Variants in NXPH2 observed in about 807,000 individuals in gnomAD.
NXPH2 encodes the protein neurexophilin 2, also known as neurexophilin-2.
NXPH2 carries 5 observed loss-of-function variants against 19.8 expected under a neutral mutation model. That is an observed-to-expected ratio of 0.25 (90% CI 0.13 to 0.53). NXPH2 has a LOEUF of 0.53. NXPH2 is among the 20% of genes least tolerant of loss of function. NXPH2 has a pLI of 0.96. For synonymous variants in NXPH2, 154 were observed against 127.4 expected (o/e 1.21, Z -1.41); for missense variants, 289 against 322.8 (o/e 0.90, Z 0.80).
intron 1 of NXPH2, among the ~76,000 whole-genome samples, chr2:138,728,885 C>A (rs551100728): frequency 6.6e-6 from 1 of 152,322 alleles, no homozygotes; most frequent in African/African-American, 2.4e-5. Flanking sequence ...GGGAATCATG[C>A]AAACACAGTC....
intron 1 of NXPH2, among the ~76,000 whole-genome samples, chr2:138,747,957 C>T (rs1681767429): frequency 6.6e-6 from 1 of 152,202 alleles, no homozygotes; most frequent in Non-Finnish European, 1.5e-5. Flanking sequence ...TGTCTTTGCT[C>T]TGATCACTAC....
intron 1 of NXPH2, among the ~76,000 whole-genome samples, chr2:138,681,772 A>T (rs1248520857): frequency 6.6e-6 from 1 of 152,164 alleles, no homozygotes; most frequent in African/African-American, 2.4e-5. Context: ...TGGATACCCT[A>T]TAAGTATTTA....
At chr2:138,770,709 T>C (rs1008587170) in intron 1 of NXPH2, among the ~76,000 whole-genome samples, 2 of 151,862 alleles carry the variant, frequency 1.3e-5, no homozygotes, top group South Asian at 4.1e-4. Context: ...ATGTCAGCCA[T>C]AAAAAAGATA....
chr2:138,732,373 G>C (rs1438933754), intron 1 of NXPH2, among the ~76,000 whole-genome samples: 1 of 152,190 alleles, frequency 6.6e-6, no homozygotes, highest in African/African-American at 2.4e-5. Context: ...AGATGCATCT[G>C]GGTCTTTTAA....
At chr2:138,694,781 C>T (rs1680804718) in intron 1 of NXPH2, among the ~76,000 whole-genome samples, 1 of 152,148 alleles carries the variant, frequency 6.6e-6, no homozygotes, top group African/African-American at 2.4e-5. Flanking sequence ...CAATAAGTTA[C>T]ACAAGCTATT....
intron 1 of NXPH2, among the ~76,000 whole-genome samples, chr2:138,760,457 T>C (rs1681992563): frequency 6.6e-6 from 1 of 152,184 alleles, no homozygotes; most frequent in Admixed American, 6.5e-5. Context: ...GAGAAAACCA[T>C]ACCTCATCCA....
chr2:138,697,941 G>C (rs1680852875), intron 1 of NXPH2, among the ~76,000 whole-genome samples: 1 of 151,960 alleles, frequency 6.6e-6, no homozygotes, highest in Admixed American at 6.6e-5. Flanking sequence ...CTGCTTGAAA[G>C]CCTATTTCAC....
intron 1 of NXPH2, among the ~76,000 whole-genome samples, chr2:138,761,102 A>G (rs1331863698): frequency 1.3e-5 from 2 of 152,164 alleles, no homozygotes. Flanking sequence ...CCTGAAGCTC[A>G]GCAAGCCATA....
At chr2:138,736,470 T>A (rs1681541040) in intron 1 of NXPH2, among the ~76,000 whole-genome samples, 1 of 152,190 alleles carries the variant, frequency 6.6e-6, no homozygotes, top group Admixed American at 6.5e-5. Flanking sequence ...GCTGCAGCAG[T>A]TAGAATGCAG....
At position 138,671,467 on chromosome 2, in the gene NXPH2, G is replaced by C. The variant is rs749126115; in HGVS notation, c.250C>G (p.Leu84Val). 4.3e-6 allele frequency: 7 copies of C among 1,613,892 alleles called. No homozygotes were observed. The highest frequency in any genetic ancestry group is 5.9e-6 in the Non-Finnish European group (7 of 1,179,796). Reference protein sequence around the residue: ...ADSMENFWDWLANITEIQEPL... With the variant: ...ADSMENFWDWVANITEIQEPL... ...TCCTGAATCTCCGTGATGTTGGCCA[G>C]CCAATCCCAAAAGTTTTCCATGCTG... The change falls in exon 2 of 2, where the codon CTG (leucine) becomes GTG (valine). Residue 84 changes from leucine (L) to valine (V), a missense_variant. Transcript: ENST00000272641.
At chr2:138,744,541 G>T (rs1681695137) in intron 1 of NXPH2, among the ~76,000 whole-genome samples, 1 of 152,064 alleles carries the variant, frequency 6.6e-6, no homozygotes, top group Non-Finnish European at 1.5e-5. Flanking sequence ...ACACTGGGTA[G>T]GTGTCTATCT....
At chr2:138,730,979 T>C (rs1190118036) in intron 1 of NXPH2, among the ~76,000 whole-genome samples, 1 of 152,182 alleles carries the variant, frequency 6.6e-6, no homozygotes, top group Non-Finnish European at 1.5e-5. Context: ...ATTCTTCACA[T>C]TTTGCCTTAA....
In NXPH2 at chr2:138,780,238, G is replaced by A. The variant is rs1448749401; in HGVS notation, c.4C>T (p.Arg2Cys). The change falls in exon 1 of 2, where the codon CGC becomes TGC. Residue 2 changes from arginine to cysteine, a missense_variant. Arg to Cys is a radical substitution (Grantham distance 180, BLOSUM62 -3). Transcript: ENST00000272641. MRLRPLPLVVVP... is the reference protein window; with the variant it reads MCLRPLPLVVVP... Reference sequence around the variant, plus strand: ...ACCACGAGGGGCAGCGGCCGCAGGCGCATGGTGCCGGCTGGCGCGGCTTTT... The same window carrying A: ...ACCACGAGGGGCAGCGGCCGCAGGCACATGGTGCCGGCTGGCGCGGCTTTT... The A allele has an allele frequency of 3.4e-6, 5 of 1,452,402 alleles. No individual in the cohort carries two copies. Among genetic ancestry groups the A allele is most frequent in the East Asian group, 2.9e-5 (1 of 34,298 alleles). The allele number at this position is 1,452,402 out of a possible 1,614,324, so 90.0% of individuals were successfully genotyped here. A position where few individuals can be genotyped will look rare whatever the true frequency, so the allele number is the denominator to read the frequency against.
intron 1 of NXPH2, among the ~76,000 whole-genome samples, chr2:138,733,691 C>T (rs1385746222): frequency 6.6e-6 from 1 of 152,110 alleles, no homozygotes; most frequent in African/African-American, 2.4e-5. Flanking sequence ...TGTTCGGCTG[C>T]ATTATAAGTA....
chr2:138,753,064 T>C (rs1401824101), intron 1 of NXPH2, among the ~76,000 whole-genome samples: 1 of 152,182 alleles, frequency 6.6e-6, no homozygotes, highest in Non-Finnish European at 1.5e-5. Context: ...GAAGTTATTA[T>C]GCACAGCCCA....
At chr2:138,777,268 G>A (rs2104847112) in intron 1 of NXPH2, among the ~76,000 whole-genome samples, 2 of 151,956 alleles carry the variant, frequency 1.3e-5, no homozygotes, top group Middle Eastern at 6.8e-3. Flanking sequence ...CTTCATTAGT[G>A]GCAGAAAAGA....
chr2:138,680,569 T>TA (rs1333258919), intron 1 of NXPH2, among the ~76,000 whole-genome samples: 1 of 152,196 alleles, frequency 6.6e-6, no homozygotes, highest in Non-Finnish European at 1.5e-5. Context: ...CACCTAGTCA[T>TA]AGTTCTCATA....
At chr2:138,676,202 G>T (rs954807015) in intron 1 of NXPH2, among the ~76,000 whole-genome samples, 1 of 152,146 alleles carries the variant, frequency 6.6e-6, no homozygotes, top group Non-Finnish European at 1.5e-5. Context: ...ACTGGTAGAA[G>T]AATATAATGT....
chr2:138,683,272 G>T (rs1680603917), intron 1 of NXPH2, among the ~76,000 whole-genome samples: 1 of 152,158 alleles, frequency 6.6e-6, no homozygotes. Flanking sequence ...TTCAATGAGA[G>T]ACATGAGCTT....
Sources: gnomAD v4.1 joint callset for allele counts (sites outside exome capture counted in the v4.1 genomes callset) on GRCh38, gnomAD v4.1.1 for gene constraint, MANE v1.5 for transcripts, NCBI Gene and HGNC (gene_info 2026-07-23, HGNC 2026-07-21) for gene names.